VPS13D: variants seen among roughly 807,000 people sequenced by gnomAD.
VPS13D encodes intermembrane lipid transfer protein VPS13D.
A neutral mutation model predicts 461.9 loss-of-function variants in VPS13D; 187 were observed. The observed-to-expected ratio is 0.40, with a 90% CI of 0.36 to 0.46. VPS13D has a LOEUF of 0.46. Among genes scored for constraint, VPS13D ranks in the 20% least tolerant of loss-of-function variants. VPS13D has a pLI of 0.60. For missense variants in VPS13D, 4,711 were observed against 5,364.9 expected, an observed-to-expected ratio of 0.88 and a Z score of 3.81; for synonymous variants, 1,951 against 1,986.3, an observed-to-expected ratio of 0.98 and a Z score of 0.47.
At chr1:12,399,085 A>C (rs1217957961) in intron 60 of VPS13D, among the ~76,000 whole-genome samples, 1 of 152,250 alleles carries the variant, frequency 6.6e-6, no homozygotes, top group East Asian at 1.9e-4. Context: ...ATGCATATGA[A>C]GTGGCTAGCA....
chr1:12,317,755 A>C (rs1263020079), intron 30 of VPS13D, among the ~76,000 whole-genome samples: 4 of 152,112 alleles, frequency 2.6e-5, no homozygotes, highest in Non-Finnish European at 5.9e-5. Flanking sequence ...TTAAAAAAAA[A>C]AGAAAAGAAA....
chr1:12,242,958 C>CT lies in VPS13D; in HGVS notation c.175+380dup, dbSNP rs979589423. On this transcript the variant is annotated intron_variant, in intron 3 of 69. Coordinates refer to ENST00000620676, the MANE Select transcript of VPS13D (RefSeq NM_015378.4). ...TCCCTTTTTCTTTTTCTTTTCTTTT[C>CT]TTTTTTTTTTTTCAGATGGAGTCTC... 1.5e-3 allele frequency among the ~76,000 whole-genome samples: 218 copies of CT among 143,672 alleles called. 1 individual carries two copies. The highest frequency in any genetic ancestry group is 3.5e-3 in the Middle Eastern group (1 of 282). 94.3% of individuals were successfully genotyped at this position (143,672 alleles called of 152,430 possible).
chr1:12,406,558 G>A (rs1644658561), intron 63 of VPS13D, among the ~76,000 whole-genome samples: 1 of 152,190 alleles, frequency 6.6e-6, no homozygotes, highest in Non-Finnish European at 1.5e-5. Context: ...CAGATATAGT[G>A]TCTGTTCAAA....
intron 63 of VPS13D, among the ~76,000 whole-genome samples, chr1:12,413,553 C>T (rs1644757360): frequency 6.6e-6 from 1 of 152,174 alleles, no homozygotes; most frequent in Admixed American, 6.5e-5. Flanking sequence ...CTTAGTGTGG[C>T]CTTGACCTTC....
chr1:12,386,286 A>G lies in VPS13D; in HGVS notation c.11586A>G (p.Thr3862=). The G allele has an allele frequency of 6.2e-7, 1 of 1,612,614 alleles. No individual in the cohort carries two copies. The highest frequency in any genetic ancestry group is 1.1e-5 in the South Asian group (1 of 90,738). The stretch of plus-strand genomic sequence containing the variant: ...TTACAGGAATCAATGTGCACTATAC[A>G]CAGCTGGCAACCAGTCACATGCTTG... ...ASLTGINVHY[T]QLATSHMLEL... The change falls in exon 60 of 70, where the codon ACA becomes ACG. Residue 3862 remains threonine, a synonymous_variant. Transcript: ENST00000620676.
At chr1:12,358,068 T>C (rs375253806) in intron 49 of VPS13D, among the ~76,000 whole-genome samples, 13 of 151,992 alleles carry the variant, frequency 8.6e-5, no homozygotes, top group Non-Finnish European at 1.5e-4. Flanking sequence ...TCTGTACATA[T>C]GCTTCTTGTG....
Position 12,362,549 on chromosome 1 carries a change from T to A in VPS13D, c.10142-171T>A, listed in dbSNP as rs1283568398. The stretch of plus-strand genomic sequence containing the variant: ...AAATGGGAATAAGGAGTAATAATAC[T>A]TTGAGTACAATTGCTGTTTTCATTA... On this transcript the variant is annotated intron_variant, in intron 50 of 69. Transcript: ENST00000620676. Among the ~76,000 whole-genome samples, 6 of 152,234 alleles carry A rather than the reference T, an allele frequency of 3.9e-5. No individual in the cohort carries two copies. The East Asian group carries it at 1.2e-3, about 29-fold the overall frequency.
At chr1:12,486,492 C>A (rs376422939) in intron 67 of VPS13D, among the ~76,000 whole-genome samples, 1 of 152,200 alleles carries the variant, frequency 6.6e-6, no homozygotes, top group African/African-American at 2.4e-5. Context: ...GGGAGCCAGG[C>A]CCCTGAGGAG....
intron 52 of VPS13D, among the ~76,000 whole-genome samples, chr1:12,363,880 G>A (rs943864964): frequency 4.7e-5 from 7 of 149,928 alleles, no homozygotes; most frequent in Admixed American, 6.7e-5. Flanking sequence ...CTGAATCGGG[G>A]AGGCGGAGGT....
At position 12,428,524 on chromosome 1, in the gene VPS13D, C is replaced by T. The variant is rs150188741; in HGVS notation, c.12333+11697C>T. 2.8e-4 allele frequency among the ~76,000 whole-genome samples: 43 copies of T among 152,276 alleles called. No individual in the cohort carries two copies. In the East Asian group the frequency reaches 7.1e-3, roughly 25 times the overall value. ...AGAACATGACAGAGAGTGGACTGTG[C>T]GCCATTTGTCCAGTCATGCTTGTGC... On this transcript the variant is annotated intron_variant, in intron 65 of 69. Coordinates refer to ENST00000620676, the MANE Select transcript of VPS13D (RefSeq NM_015378.4).
At chr1:12,286,367 T>A (rs1239276192) in intron 21 of VPS13D, among the ~76,000 whole-genome samples, 1 of 152,140 alleles carries the variant, frequency 6.6e-6, no homozygotes, top group African/African-American at 2.4e-5. Context: ...CATGAGCCAC[T>A]GTGCCCAGCC....
At chr1:12,247,260 A>G (rs1640580048) in intron 5 of VPS13D, among the ~76,000 whole-genome samples, 1 of 152,134 alleles carries the variant, frequency 6.6e-6, no homozygotes. Flanking sequence ...CTAAAAATAC[A>G]AAATTAGCTA....
chr1:12,500,669 G>A (rs1203206106), intron 68 of VPS13D, among the ~76,000 whole-genome samples: 1 of 151,812 alleles, frequency 6.6e-6, no homozygotes, highest in Non-Finnish European at 1.5e-5. Flanking sequence ...ATACAGAAAA[G>A]TATAAAAAAT....
intron 39 of VPS13D, 80 bp downstream of exon 39, chr1:12,335,907 A>G (rs777538851): frequency 6.3e-7 from 1 of 1,592,140 alleles, no homozygotes; most frequent in Non-Finnish European, 8.6e-7. Flanking sequence ...TTCAAATGGA[A>G]CCATCATTCT....
intron 65 of VPS13D, 62 bp downstream of exon 65, chr1:12,416,889 A>G: frequency 6.8e-7 from 1 of 1,476,096 alleles, no homozygotes; most frequent in East Asian, 2.4e-5. Context: ...CAGTACTACA[A>G]TTTCTTTTAT....
chr1:12,378,350 A>G (rs928700801), intron 55 of VPS13D, 78 bp from the exon 56 acceptor site: 4 of 1,369,868 alleles, frequency 2.9e-6, no homozygotes, highest in Non-Finnish European at 3.9e-6. Context: ...TTAGCCCTAG[A>G]GGAAGCTCTT....
intron 67 of VPS13D, among the ~76,000 whole-genome samples, chr1:12,492,149 G>A (rs770311461): frequency 6.6e-6 from 1 of 152,230 alleles, no homozygotes; most frequent in African/African-American, 2.4e-5. Context: ...AAAGCCACCA[G>A]GGAGGCCGCA....
chr1:12,480,963 G>A (rs1057184232), intron 67 of VPS13D, among the ~76,000 whole-genome samples: 2 of 152,156 alleles, frequency 1.3e-5, no homozygotes, highest in Non-Finnish European at 1.5e-5. Context: ...CTTCAAGTTT[G>A]CCCTAGGCCT....
intron 63 of VPS13D, 102 bp downstream of exon 63, chr1:12,404,075 T>G: frequency 4.6e-6 from 5 of 1,083,482 alleles, no homozygotes; most frequent in Non-Finnish European, 6.2e-6. Flanking sequence ...GTGTGCTTTT[T>G]TTTTTGTCCC....
Sources: gnomAD v4.1 joint callset for allele counts (sites outside exome capture counted in the v4.1 genomes callset) on GRCh38, gnomAD v4.1.1 for gene constraint, MANE v1.5 for transcripts, NCBI Gene and HGNC (gene_info 2026-07-23, HGNC 2026-07-21) for gene names.